The following OTOP1 variants were observed in gnomAD, a reference collection of about 807,000 sequenced individuals.
OTOP1 encodes the protein proton channel OTOP1.
A neutral mutation model predicts 52.9 loss-of-function variants in OTOP1; 59 were observed. That is an observed-to-expected ratio of 1.12 (90% CI 0.91 to 1.39). The LOEUF (loss-of-function observed/expected upper bound fraction) is 1.39, where lower values mean the gene tolerates loss of function less well. Ranked by LOEUF, OTOP1 falls within the 40% of genes most tolerant of loss-of-function variation. OTOP1 has a pLI of 0.00. For synonymous variants in OTOP1, 317 were observed against 337.7 expected (o/e 0.94, Z 0.67); for missense variants, 761 against 800.9 (o/e 0.95, Z 0.60).
At chr4:4,215,324 A>G (rs1717117606) in intron 1 of OTOP1, among the ~76,000 whole-genome samples, 1 of 152,120 alleles carries the variant, frequency 6.6e-6, no homozygotes, top group Non-Finnish European at 1.5e-5. Flanking sequence ...GCTCTACTCA[A>G]AAATCTCAGT....
chr4:4,190,069 G>A (rs1421448424), intron 5 of OTOP1, among the ~76,000 whole-genome samples: 1 of 152,186 alleles, frequency 6.6e-6, no homozygotes, highest in Non-Finnish European at 1.5e-5. Context: ...AAGTAACTGA[G>A]ACACATAGCC....
chr4:4,207,612 TATC>T (rs1224362551), intron 2 of OTOP1, among the ~76,000 whole-genome samples: 11 of 138,438 alleles, frequency 7.9e-5, no homozygotes, highest in Non-Finnish European at 1.6e-4. Context: ...TATATATATA[TATC>T]CAAAAGAAGT....
chr4:4,220,775 C>T (rs368836935), intron 1 of OTOP1, among the ~76,000 whole-genome samples: 11 of 152,276 alleles, frequency 7.2e-5, no homozygotes, highest in Middle Eastern at 3.4e-3. Context: ...GGGTACCCAT[C>T]CAGTGATGGC....
intron 2 of OTOP1, among the ~76,000 whole-genome samples, chr4:4,208,190 C>T (rs761818158): frequency 5.3e-5 from 8 of 152,176 alleles, no homozygotes; most frequent in Non-Finnish European, 1.2e-4. Context: ...GGGTGAAATT[C>T]AACACAGCTA....
chr4:4,194,750 G>A (rs555501801), intron 5 of OTOP1, among the ~76,000 whole-genome samples: 1 of 152,256 alleles, frequency 6.6e-6, no homozygotes, highest in Admixed American at 6.5e-5. Flanking sequence ...TGATGGGCAG[G>A]CACCTCTGTG....
At chr4:4,212,846 T>C in intron 2 of OTOP1, 22 bp downstream of exon 2, 1 of 1,613,116 alleles carries the variant, frequency 6.2e-7, no homozygotes, top group Admixed American at 1.7e-5. Context: ...TGAGACAATA[T>C]AAATAAACAT....
At chr4:4,223,509 C>A (rs1560212370) in intron 1 of OTOP1, among the ~76,000 whole-genome samples, 3 of 152,008 alleles carry the variant, frequency 2.0e-5, no homozygotes, top group Non-Finnish European at 4.4e-5. Context: ...AAGTTAACTG[C>A]ACTTCAACAT....
chr4:4,213,047 A>C, intron 1 of OTOP1, 43 bp from the exon 2 acceptor site: 1 of 1,590,996 alleles, frequency 6.3e-7, no homozygotes. Flanking sequence ...CACACATTGC[A>C]TTAACATACA....
rs1330245914 is a variant in OTOP1 at position 4,205,767 on chromosome 4, A to G, written c.599+305T>C. Reference sequence around the variant, plus strand: ...GAACTTATGACGGTTAAAAAAAGAAATTACATTTTCTTCCCTTCATCTCCA... The same window carrying G: ...GAACTTATGACGGTTAAAAAAAGAAGTTACATTTTCTTCCCTTCATCTCCA... On this transcript the variant is annotated intron_variant, in intron 3 of 5. Coordinates refer to ENST00000296358, the MANE Select transcript of OTOP1 (RefSeq NM_177998.3). Among the ~76,000 whole-genome samples the G allele has an allele frequency of 2.6e-5, 4 of 152,220 alleles. No individual in the cohort carries two copies. The East Asian group carries it at 7.7e-4, about 29-fold the overall frequency.
At position 4,226,757 on chromosome 4, in the gene OTOP1, C is replaced by T; in HGVS notation, c.108G>A (p.Pro36=). Reference sequence around the variant, plus strand: ...GGGGGGCCGGGGATTCCGGGGACCTCGGGGCCGAGGACGAGGGAGGCGAGC... The same window carrying T: ...GGGGGGCCGGGGATTCCGGGGACCTTGGGGCCGAGGACGAGGGAGGCGAGC... The part of the protein sequence containing the change: ...AACSPPSSSA[P]RSPESPAPRR... The change falls in exon 1 of 6, where the codon CCG becomes CCA. Residue 36 remains proline (P), a synonymous_variant. Transcript: ENST00000296358. The T allele has an allele frequency of 7.2e-7, 1 of 1,388,948 alleles. No individual in the cohort carries two copies. Among genetic ancestry groups the T allele is most frequent in the East Asian group, 3.1e-5 (1 of 32,724 alleles). 86.0% of individuals were successfully genotyped at this position (1,388,948 alleles called of 1,614,324 possible). A position where few individuals can be genotyped will look rare whatever the true frequency, so the allele number is the denominator to read the frequency against.
Position 4,198,031 on chromosome 4 carries a change from T to C in OTOP1, c.803A>G (p.Tyr268Cys), listed in dbSNP as rs145349079. The part of the protein sequence containing the change: ...TLCTAISHGI[Y>C]YLYPFNIEYQ... ...CTCTATGTTGAAGGGGTAGAGGTAG[T>C]AGATCCCGTGGGAGATGGCAGTGCA... Residue 268 changes from tyrosine (Y) to cysteine (C), a missense_variant, in exon 5 of 6, where the codon TAC (tyrosine) becomes TGC (cysteine). This residue lies in a region of OTOP1 where 632 missense variants were observed against 619.5 expected (regional missense o/e 1.02). Transcript: ENST00000296358. 5.3e-5 allele frequency: 85 copies of C among 1,613,874 alleles called. No homozygotes were observed. The Middle Eastern group carries it at 1.2e-3, about 22-fold the overall frequency.
At chr4:4,225,073 A>T (rs2108808241) in intron 1 of OTOP1, among the ~76,000 whole-genome samples, 1 of 152,364 alleles carries the variant, frequency 6.6e-6, no homozygotes, top group Middle Eastern at 3.4e-3. Flanking sequence ...CATGCAAGGA[A>T]CACGGAAGCC....
chr4:4,200,622 C>A (rs1577177532), intron 4 of OTOP1, among the ~76,000 whole-genome samples: 2 of 150,262 alleles, frequency 1.3e-5, no homozygotes, highest in Middle Eastern at 3.6e-3. Context: ...GGCACAAACA[C>A]AGCTCACTGC....
chr4:4,207,065 A>T (rs1285539273), intron 2 of OTOP1, among the ~76,000 whole-genome samples: 1 of 152,350 alleles, frequency 6.6e-6, no homozygotes, highest in East Asian at 1.9e-4. Context: ...TTATAAAAAT[A>T]AAATCAGAGA....
At chr4:4,204,482 A>G (rs1716853594) in intron 3 of OTOP1, among the ~76,000 whole-genome samples, 1 of 152,010 alleles carries the variant, frequency 6.6e-6, no homozygotes, top group Non-Finnish European at 1.5e-5. Context: ...CACTGAACTC[A>G]AGGAGGTAGC....
intron 1 of OTOP1, among the ~76,000 whole-genome samples, chr4:4,213,998 G>A (rs1289110843): frequency 6.6e-6 from 1 of 152,112 alleles, no homozygotes; most frequent in Non-Finnish European, 1.5e-5. Flanking sequence ...GCTGAGGCAG[G>A]AGAATCCCTT....
At chr4:4,193,935 C>T (rs1716568008) in intron 5 of OTOP1, among the ~76,000 whole-genome samples, 1 of 152,148 alleles carries the variant, frequency 6.6e-6, no homozygotes, top group Admixed American at 6.5e-5. Flanking sequence ...CACCCGTAAT[C>T]CCAGCACTTT....
At chr4:4,209,916 C>T (rs1716988516) in intron 2 of OTOP1, among the ~76,000 whole-genome samples, 1 of 152,168 alleles carries the variant, frequency 6.6e-6, no homozygotes. Context: ...TTCCAGTGGT[C>T]TCTGACCCAC....
Position 4,225,789 on chromosome 4 carries a change from T to TC in OTOP1, c.403+672dup, listed in dbSNP as rs1256527812. Among the ~76,000 whole-genome samples the TC allele has an allele frequency of 2.0e-5, 3 of 152,002 alleles. No individual in the cohort carries two copies. The East Asian group carries it at 5.8e-4, about 30-fold the overall frequency. On this transcript the variant is annotated intron_variant, in intron 1 of 5. Transcript: ENST00000296358. ...GACCGAGAGACAGGGATCACAGAGC[T>TC]CCCCAGTGGAGTGGAGGGTACAGAC...
Sources: gnomAD v4.1 joint callset for allele counts (sites outside exome capture counted in the v4.1 genomes callset) on GRCh38, gnomAD v4.1.1 for gene constraint, gnomAD v4.1.1 regional missense constraint, MANE v1.5 for transcripts, NCBI Gene and HGNC (gene_info 2026-07-23, HGNC 2026-07-21) for gene names.